Variants in MUC12 observed in about 807,000 individuals in gnomAD.
MUC12 encodes mucin-12.
A neutral mutation model predicts 230.8 loss-of-function variants in MUC12; 172 were observed. The observed-to-expected ratio is 0.75, with a 90% CI of 0.66 to 0.85. The LOEUF (loss-of-function observed/expected upper bound fraction) is 0.85. Among genes scored for constraint, MUC12 ranks in the 40% least tolerant of loss-of-function variants. The pLI is 0.00. For synonymous variants in MUC12, 1,259 were observed against 2,401.9 expected (o/e 0.52, Z 13.91); for missense variants, 3,506 against 5,920.6 (o/e 0.59, Z 13.38).
intron 9 of MUC12, 115 bp from the exon 10 acceptor site, chr7:101,015,500 C>A: frequency 1.2e-6 from 1 of 815,822 alleles, no homozygotes; most frequent in African/African-American, 1.7e-5. Flanking sequence ...TCGCTGCCAT[C>A]TCTGACTCGG....
intron 1 of MUC12, among the ~76,000 whole-genome samples, chr7:100,971,355 C>A (rs936821685): frequency 6.7e-6 from 1 of 148,762 alleles, no homozygotes; most frequent in African/African-American, 2.5e-5. Context: ...TGAGGAGAGG[C>A]GAGAGAGGGA....
chr7:101,013,837 G>A, intron 8 of MUC12, 76 bp from the exon 9 acceptor site: 1 of 1,443,042 alleles, frequency 6.9e-7, no homozygotes, highest in Non-Finnish European at 9.2e-7. Flanking sequence ...CCTGTGCTTA[G>A]GAGAGTGGGT....
chr7:101,015,856 C>T (rs570592851), intron 10 of MUC12, among the ~76,000 whole-genome samples, 165 bp downstream of exon 10: 1 of 152,156 alleles, frequency 6.6e-6, no homozygotes, highest in African/African-American at 2.4e-5. Flanking sequence ...CCAGACACCA[C>T]CCCTGCTGTG....
At chr7:100,986,663 T>C (rs1214136311) in intron 1 of MUC12, among the ~76,000 whole-genome samples, 4 of 152,126 alleles carry the variant, frequency 2.6e-5, no homozygotes, top group Non-Finnish European at 4.4e-5. Flanking sequence ...TCGGTAAAAC[T>C]GGGGCCATCT....
chr7:100,977,730 T>C (rs989702568), intron 1 of MUC12, among the ~76,000 whole-genome samples: 1 of 151,370 alleles, frequency 6.6e-6, no homozygotes, highest in Non-Finnish European at 1.5e-5. Context: ...ACTGGCTAAT[T>C]TTTGTATTTT....
chr7:101,010,008 G>A (rs1793816593), intron 5 of MUC12, among the ~76,000 whole-genome samples: 1 of 152,200 alleles, frequency 6.6e-6, no homozygotes, highest in African/African-American at 2.4e-5. Context: ...TGCATAAGCA[G>A]AAGCCTGTAC....
intron 1 of MUC12, among the ~76,000 whole-genome samples, chr7:100,990,269 G>T (rs1793259597): frequency 6.6e-6 from 1 of 152,180 alleles, no homozygotes; most frequent in African/African-American, 2.4e-5. Flanking sequence ...TGTGAACTGT[G>T]CATGCAAGGG....
rs753817202 is a variant in MUC12 at position 100,992,113 on chromosome 7, T to A, written c.1550T>A (p.Val517Asp). 2 of 1,537,310 alleles carry A rather than the reference T, an allele frequency of 1.3e-6. No homozygotes were observed. The highest frequency in any genetic ancestry group is 2.4e-5 in the East Asian group (1 of 40,866). Residue 517 changes from valine (V) to aspartate (D), a missense_variant, in exon 2 of 12, where the codon GTC becomes GAC. By Grantham distance (152) the Val-to-Asp change is radical. Coordinates refer to ENST00000536621, the MANE Select transcript of MUC12 (RefSeq NM_001164462.2). ...CCTGCCAGCATGACAAGCTCAGGCG[T>A]CAGTGAAGAATCCACCACCTCCCAC... The part of the protein sequence containing the change: ...HLPASMTSSG[V>D]SEESTTSHSR...
rs1443369487 is a variant in MUC12 at position 100,995,891 on chromosome 7, G to A, written c.5328G>A (p.Pro1776=). Residue 1776 remains proline, a synonymous_variant, in exon 2 of 12, where the codon CCG becomes CCA. Coordinates refer to ENST00000536621, the MANE Select transcript of MUC12 (RefSeq NM_001164462.2). ...AATCTACGGCGTACCACAGCAGCCC[G>A]GGCTCAACTCAAACAATGCACTTCC... ...VEESTAYHSS[P]GSTQTMHFPE... is the part of the protein sequence containing the mutation. 27 of 1,409,398 alleles carry A rather than the reference G, an allele frequency of 1.9e-5. No homozygotes were observed. The highest frequency in any genetic ancestry group is 1.5e-4 in the Admixed American group (7 of 47,002). 87.3% of individuals were successfully genotyped at this position (1,409,398 alleles called of 1,614,324 possible).
chr7:100,969,820 A>T, intron 1 of MUC12, 131 bp downstream of exon 1: 1 of 1,350,152 alleles, frequency 7.4e-7, no homozygotes, highest in South Asian at 1.3e-5. Flanking sequence ...ACAGGGCTGG[A>T]GACCCGTGCT....
intron 1 of MUC12, among the ~76,000 whole-genome samples, chr7:100,970,853 C>T (rs896663666): frequency 8.5e-5 from 13 of 152,062 alleles, no homozygotes; most frequent in Non-Finnish European, 1.6e-4. Flanking sequence ...AAAAATTAGC[C>T]GGGCGAGGTG....
chr7:101,017,718 G>T (rs1425296993), intron 11 of MUC12, 55 bp downstream of exon 11: 3 of 1,314,814 alleles, frequency 2.3e-6, no homozygotes, highest in Non-Finnish European at 3.1e-6. Flanking sequence ...TTCCTCTGGG[G>T]TTCCCTCTTC....
At position 100,991,318 on chromosome 7, in the gene MUC12, T is replaced by A. The variant is rs1362059164; in HGVS notation, c.755T>A (p.Val252Asp). The A allele has an allele frequency of 3.3e-6, 5 of 1,537,000 alleles. No homozygotes were observed. The African/African-American group carries it at 6.9e-5, about 21-fold the overall frequency. The change falls in exon 2 of 12, where the codon GTC becomes GAC. Residue 252 changes from valine to aspartate, a missense_variant. Val to Asp is a radical substitution (Grantham distance 152). Coordinates refer to ENST00000536621, the MANE Select transcript of MUC12 (RefSeq NM_001164462.2). The stretch of plus-strand genomic sequence containing the variant: ...GGCCTCCTTGAAGCATCTACGCCCG[T>A]CCACAGCAGCACTGGATCGCCACAC... ...TSGLLEASTP[V>D]HSSTGSPHTT...
At chr7:100,989,931 G>A (rs761160673) in intron 1 of MUC12, among the ~76,000 whole-genome samples, 1 of 152,078 alleles carries the variant, frequency 6.6e-6, no homozygotes, top group Non-Finnish European at 1.5e-5. Context: ...GATCTCAAGT[G>A]ATCCACCCAC....
Position 100,981,422 on chromosome 7 carries a change from A to T in MUC12, c.68-9209A>T, listed in dbSNP as rs773393466. On this transcript the variant is annotated intron_variant, in intron 1 of 11. Coordinates refer to ENST00000536621, the MANE Select transcript of MUC12 (RefSeq NM_001164462.2). ...TTTGCTAGCCCAGGGGACGACGGGG[A>T]TGGCAGAGCCGAGGGCTTTAGCCTG... 12 of 628,090 alleles carry T rather than the reference A, an allele frequency of 1.9e-5. No individual in the cohort carries two copies. The South Asian group carries it at 2.1e-4, about 11-fold the overall frequency. 38.9% of individuals were successfully genotyped at this position (628,090 alleles called of 1,614,324 possible).
intron 1 of MUC12, among the ~76,000 whole-genome samples, chr7:100,988,526 G>A (rs553042277): frequency 4.6e-5 from 7 of 152,194 alleles, no homozygotes; most frequent in South Asian, 2.1e-4. Context: ...CCAGGCTTAC[G>A]TATTTCTTTA....
rs1425985041 is a variant in MUC12 at position 101,004,700 on chromosome 7, A to G, written c.14137A>G (p.Thr4713Ala). 6.5e-7 allele frequency: 1 copy of G among 1,537,676 alleles called. No individual in the cohort carries two copies. The highest frequency in any genetic ancestry group is 1.2e-5 in the South Asian group (1 of 84,050). ...CTCAGGCCGCATTGCAGAATCTACC[A>G]CCTTCTATATCTCTCCAGGCTCAAT... ...TTSGRIAEST[T>A]FYISPGSMET... is the part of the protein sequence containing the mutation. Residue 4713 changes from threonine (T) to alanine (A), a missense_variant, in exon 2 of 12, where the codon ACC becomes GCC. Coordinates refer to ENST00000536621, the MANE Select transcript of MUC12 (RefSeq NM_001164462.2).
chr7:101,004,828 C>A lies in MUC12; in HGVS notation c.14265C>A (p.Ala4755=). Residue 4755 remains alanine, a synonymous_variant, in exon 2 of 12, where the codon GCC becomes GCA. Transcript: ENST00000536621. ...SRSPDQTLSP[A]SMTSSSISGE... ...CACCAGACCAAACACTCTCACCTGC[C>A]AGCATGACAAGCTCCAGCATCAGTG... The A allele has an allele frequency of 6.5e-7, 1 of 1,537,156 alleles. No individual in the cohort carries two copies.
At chr7:101,009,935 A>G (rs908332492) in intron 5 of MUC12, among the ~76,000 whole-genome samples, 16 of 152,084 alleles carry the variant, frequency 1.1e-4, no homozygotes, top group African/African-American at 3.6e-4. Context: ...AGCAGTGTAG[A>G]CCCATGAGGG....
Sources: gnomAD v4.1 joint callset for allele counts (sites outside exome capture counted in the v4.1 genomes callset) on GRCh38, gnomAD v4.1.1 for gene constraint, MANE v1.5 for transcripts, NCBI Gene and HGNC (gene_info 2026-07-23, HGNC 2026-07-21) for gene names.